The following TMEM114 variants were observed in gnomAD, a reference collection of about 807,000 sequenced individuals.
TMEM114 encodes the protein claudin-26.
In TMEM114, 6 loss-of-function variants were observed where a neutral mutation model predicts 6.2. The ratio of observed to expected loss-of-function variants is 0.97; its 90% CI spans 0.53 to 1.91. TMEM114 has a LOEUF of 1.91. Among genes scored for constraint, TMEM114 ranks in the 40% most tolerant of loss-of-function variants. The probability of loss-of-function intolerance (pLI) is 0.01; values close to 1 mark genes in which losing one functional copy is unlikely to be tolerated. For synonymous variants in TMEM114, 104 were observed against 73.0 expected (o/e 1.42, Z -2.16); for missense variants, 218 against 158.3 (o/e 1.38, Z -2.02).
At chr16:8,569,268 T>G (rs970816699), downstream of TMEM114, among the ~76,000 whole-genome samples, 1 of 152,148 alleles carries the variant, frequency 6.6e-6, no homozygotes, top group Non-Finnish European at 1.5e-5. Flanking sequence ...AGCTTCATAT[T>G]GTAGACCTAA....
rs939336685 is a variant in TMEM114 at position 8,569,746 on chromosome 16, C to G, written c.*27G>C. 3.3e-6 allele frequency: 5 copies of G among 1,530,892 alleles called. No homozygotes were observed. Among genetic ancestry groups the G allele is most frequent in the Non-Finnish European group, 4.4e-6 (5 of 1,133,304 alleles). 94.8% of individuals were successfully genotyped at this position (1,530,892 alleles called of 1,614,324 possible). ...TGAAGCTCCGGGGCCAAGCCCCTCC[C>G]TCCCCTCCACGACCCAGCGCCCAGG... On this transcript the variant is annotated 3_prime_UTR_variant, in exon 4 of 4. Coordinates refer to ENST00000620492, the MANE Select transcript of TMEM114 (RefSeq NM_001146336.2).
chr16:8,563,876 AG>A (rs1397676596), intron 2 of TMEM114, among the ~76,000 whole-genome samples: 1 of 150,414 alleles, frequency 6.6e-6, no homozygotes, highest in East Asian at 1.9e-4. Flanking sequence ...TGAATGAGTG[AG>A]TGAGTGAATT....
chr16:8,562,840 G>A (rs1000318868), intron 2 of TMEM114, among the ~76,000 whole-genome samples: 4 of 150,964 alleles, frequency 2.6e-5, no homozygotes, highest in South Asian at 4.2e-4. Flanking sequence ...GAATGAGTGA[G>A]TGAATAAGTG....
intron 2 of TMEM114, among the ~76,000 whole-genome samples, chr16:8,543,660 C>T (rs932517283): frequency 6.6e-6 from 1 of 152,146 alleles, no homozygotes; most frequent in South Asian, 2.1e-4. Context: ...CTGCCTTGGG[C>T]TCCTAGAGCC....
At chr16:8,580,153 G>A (rs1455470783) in intron 2 of TMEM114, among the ~76,000 whole-genome samples, 2 of 152,188 alleles carry the variant, frequency 1.3e-5, no homozygotes, top group African/African-American at 2.4e-5. Context: ...AGCCCTCTTG[G>A]AGCTTGCTTT....
chr16:8,563,711 G>C (rs373413409), intron 2 of TMEM114, among the ~76,000 whole-genome samples: 15 of 148,728 alleles, frequency 1.0e-4, no homozygotes, highest in African/African-American at 1.3e-4. Context: ...GTGAATGAGT[G>C]AGTGAGTGAA....
At chr16:8,536,267 C>A (rs1000291765), downstream of TMEM114, among the ~76,000 whole-genome samples, 2 of 151,960 alleles carry the variant, frequency 1.3e-5, no homozygotes, top group Non-Finnish European at 2.9e-5. Context: ...CATCCTGAAT[C>A]CCAACTCTTT....
Position 8,572,329 on chromosome 16 carries a change from A to G in TMEM114, c.302-105T>C, listed in dbSNP as rs1452620103. On this transcript the variant is annotated intron_variant, in intron 2 of 3. Transcript: ENST00000620492. Reference sequence around the variant, plus strand: ...CCTACTAGAGCTGGGGAAAATCCACACTGTCACTGCCCCTACGACGATTAC... The same window carrying G: ...CCTACTAGAGCTGGGGAAAATCCACGCTGTCACTGCCCCTACGACGATTAC... 6 of 1,216,964 alleles carry G rather than the reference A, an allele frequency of 4.9e-6. No homozygotes were observed. In the Admixed American group the frequency reaches 8.0e-5, roughly 16 times the overall value. The allele number at this position is 1,216,964 out of a possible 1,614,324, so 75.4% of individuals were successfully genotyped here.
intron 2 of TMEM114, among the ~76,000 whole-genome samples, chr16:8,554,002 C>G (rs1161367559): frequency 6.6e-6 from 1 of 152,064 alleles, no homozygotes; most frequent in Non-Finnish European, 1.5e-5. Context: ...TGTCAGCCGC[C>G]TGAATAGCTG....
chr16:8,543,423 C>A (rs1317433966), intron 2 of TMEM114, among the ~76,000 whole-genome samples: 3 of 151,984 alleles, frequency 2.0e-5, no homozygotes, highest in Non-Finnish European at 4.4e-5. Flanking sequence ...TACCAAGTGC[C>A]CCAGTGTGAC....
At chr16:8,542,804 C>G (rs918704843) in intron 2 of TMEM114, among the ~76,000 whole-genome samples, 2 of 152,092 alleles carry the variant, frequency 1.3e-5, no homozygotes, top group Non-Finnish European at 2.9e-5. Flanking sequence ...TCTCAACTCC[C>G]CAATCCTCCC....
downstream of TMEM114, among the ~76,000 whole-genome samples, chr16:8,565,687 C>T (rs1429171859): frequency 1.3e-5 from 2 of 152,200 alleles, no homozygotes; most frequent in African/African-American, 4.8e-5. Context: ...CACTCTCACC[C>T]CTGCAGGCCG....
At chr16:8,536,152 G>A (rs1048941741), downstream of TMEM114, among the ~76,000 whole-genome samples, 1 of 151,708 alleles carries the variant, frequency 6.6e-6, no homozygotes, top group African/African-American at 2.4e-5. Flanking sequence ...TTGAACCTGG[G>A]AGGCGGAGGT....
At chr16:8,561,722 T>G (rs1422107609) in intron 2 of TMEM114, among the ~76,000 whole-genome samples, 1 of 151,956 alleles carries the variant, frequency 6.6e-6, no homozygotes, top group Non-Finnish European at 1.5e-5. Flanking sequence ...AATGAATGAG[T>G]GAGGGAGGAA....
At chr16:8,542,051 T>G (rs1316067873) in intron 2 of TMEM114, among the ~76,000 whole-genome samples, 1 of 152,072 alleles carries the variant, frequency 6.6e-6, no homozygotes, top group African/African-American at 2.4e-5. Context: ...ACGCCAACAT[T>G]AGGCAGAAAT....
intron 2 of TMEM114, among the ~76,000 whole-genome samples, chr16:8,553,786 C>G (rs1287513610): frequency 6.6e-6 from 1 of 151,798 alleles, no homozygotes; most frequent in East Asian, 1.9e-4. Flanking sequence ...TGCCCAATCT[C>G]AGCTTTTCAA....
intron 2 of TMEM114, among the ~76,000 whole-genome samples, chr16:8,540,393 A>T (rs556127058): frequency 6.6e-6 from 1 of 152,284 alleles, no homozygotes; most frequent in South Asian, 2.1e-4. Flanking sequence ...AGTTTCCTCA[A>T]CTGTGAAATA....
the TMEM114 span, among the ~76,000 whole-genome samples, chr16:8,531,685 T>C: frequency 2.6e-5 from 4 of 152,208 alleles, no homozygotes; most frequent in Non-Finnish European, 5.9e-5. Flanking sequence ...AAGTGACCAG[T>C]GTAACATTCA....
chr16:8,563,242 T>C (rs1252700766), intron 2 of TMEM114, among the ~76,000 whole-genome samples: 1 of 151,310 alleles, frequency 6.6e-6, no homozygotes, highest in Non-Finnish European at 1.5e-5. Flanking sequence ...AGTGAGTGAA[T>C]GAGTCAGTGA....
Sources: allele counts gnomAD v4.1 joint callset (sites outside exome capture counted in the v4.1 genomes callset), GRCh38; gene constraint gnomAD v4.1.1; transcripts MANE v1.5; gene names NCBI Gene and HGNC (gene_info 2026-07-23, HGNC 2026-07-21).